Variants in EPHA7 observed in about 807,000 individuals in gnomAD.
The protein encoded by EPHA7 is EPH receptor A7.
A neutral mutation model predicts 112.6 loss-of-function variants in EPHA7; 25 were observed. The observed-to-expected ratio is 0.22, with a 90% CI of 0.16 to 0.31. The LOEUF (loss-of-function observed/expected upper bound fraction) is 0.31. Among genes scored for constraint, EPHA7 ranks in the 10% least tolerant of loss-of-function variants. The pLI, the probability that EPHA7 is intolerant of heterozygous loss-of-function variation, is 1.00. For missense variants in EPHA7, 962 were observed against 1,212.6 expected (o/e 0.79, Z 3.07); for synonymous variants, 437 against 406.5 (o/e 1.07, Z -0.90).
At chr6:93,411,792 A>C (rs1173287048) in intron 2 of EPHA7, among the ~76,000 whole-genome samples, 4 of 152,112 alleles carry the variant, frequency 2.6e-5, no homozygotes, top group Non-Finnish European at 5.9e-5. Context: ...CATAACTATA[A>C]ATAAGTAGTT....
At chr6:93,364,523 G>A (rs1260336684) in intron 3 of EPHA7, among the ~76,000 whole-genome samples, 30 of 101,740 alleles carry the variant, frequency 2.9e-4, no homozygotes, top group South Asian at 1.5e-3. Flanking sequence ...CGACAGGAGC[G>A]AAACTCCGTC....
chr6:93,282,897 A>G (rs1464572117), intron 5 of EPHA7, among the ~76,000 whole-genome samples: 7 of 151,950 alleles, frequency 4.6e-5, no homozygotes, highest in Admixed American at 4.6e-4. Flanking sequence ...CCCCCTCCCC[A>G]TGGGTTCCTG....
Position 93,249,345 on chromosome 6 carries a change from A to G in EPHA7, c.2533-2360T>C, listed in dbSNP as rs1770104492. On this transcript the variant is annotated intron_variant, in intron 14 of 16. Coordinates refer to ENST00000369303, the MANE Select transcript of EPHA7 (RefSeq NM_004440.4). Reference sequence around the variant, plus strand: ...TGGTTTTGCAAAACATTCCAGTAATAGCACTGTACTTGGATTCAAAAATGT... The same window carrying G: ...TGGTTTTGCAAAACATTCCAGTAATGGCACTGTACTTGGATTCAAAAATGT... Among the ~76,000 whole-genome samples the G allele has an allele frequency of 4.6e-5, 7 of 152,208 alleles. No homozygotes were observed. In the South Asian group the frequency reaches 1.4e-3, roughly 32 times the overall value.
At chr6:93,393,966 C>G (rs918396267) in intron 3 of EPHA7, among the ~76,000 whole-genome samples, 1 of 151,780 alleles carries the variant, frequency 6.6e-6, no homozygotes. Context: ...TAGAGTTAAA[C>G]TAGACTGTGT....
chr6:93,246,747 C>T, intron 15 of EPHA7, 45 bp downstream of exon 15: 1 of 1,507,882 alleles, frequency 6.6e-7, no homozygotes, highest in East Asian at 2.3e-5. Flanking sequence ...GTTTATGTTA[C>T]TATTGTAATT....
intron 5 of EPHA7, among the ~76,000 whole-genome samples, chr6:93,294,355 T>C (rs1772543013): frequency 6.6e-6 from 1 of 152,176 alleles, no homozygotes; most frequent in African/African-American, 2.4e-5. Context: ...TGTGACAAGG[T>C]AGTCTAAATT....
rs1222122688 is a variant in EPHA7 at position 93,262,888 on chromosome 6, G to A, written c.1798+972C>T. On this transcript the variant is annotated intron_variant, in intron 9 of 16. Transcript: ENST00000369303. ...AAATGTATTAGAAATTCTTGATGGA[G>A]GCTTTGATATTCTTATGACTTTAGG... Among the ~76,000 whole-genome samples the A allele has an allele frequency of 2.6e-5, 4 of 151,128 alleles. No individual in the cohort carries two copies. In the Admixed American group the frequency reaches 2.6e-4, roughly 10 times the overall value.
chr6:93,264,738 C>T, intron 7 of EPHA7, 36 bp from the exon 8 acceptor site: 1 of 1,305,166 alleles, frequency 7.7e-7, no homozygotes, highest in South Asian at 1.4e-5. Context: ...AAATACTTGA[C>T]ACCATGCAAG....
At chr6:93,287,630 C>G (rs888386243) in intron 5 of EPHA7, among the ~76,000 whole-genome samples, 3 of 151,554 alleles carry the variant, frequency 2.0e-5, no homozygotes, top group Non-Finnish European at 2.9e-5. Context: ...TATTTCATCA[C>G]CAAGATATTA....
At chr6:93,356,603 C>A in intron 5 of EPHA7, 114 bp downstream of exon 5, 1 of 982,408 alleles carries the variant, frequency 1.0e-6, no homozygotes, top group South Asian at 1.7e-5. Context: ...TGTAAATAAT[C>A]AACAAGCTGG....
At chr6:93,359,686 A>C (rs1776144159) in intron 3 of EPHA7, among the ~76,000 whole-genome samples, 1 of 152,072 alleles carries the variant, frequency 6.6e-6, no homozygotes, top group Non-Finnish European at 1.5e-5. Flanking sequence ...ACTTCTGTTC[A>C]AATGCTGAAT....
chr6:93,333,230 G>A lies in EPHA7; in HGVS notation c.1324+23487C>T, dbSNP rs564678759. On this transcript the variant is annotated intron_variant, in intron 5 of 16. Coordinates refer to ENST00000369303, the MANE Select transcript of EPHA7 (RefSeq NM_004440.4). ...GAACATGATCTCATTCTTTTTTAAG[G>A]CTATGTAGTATTCCATGGCATTTAT... 1.4e-3 allele frequency among the ~76,000 whole-genome samples: 206 copies of A among 151,792 alleles called. 2 individuals are homozygous for A. Among genetic ancestry groups the A allele is most frequent in the African/African-American group, 4.8e-3 (201 of 41,462 alleles).
intron 5 of EPHA7, among the ~76,000 whole-genome samples, chr6:93,277,716 T>C (rs1208678177): frequency 1.3e-5 from 2 of 152,018 alleles, no homozygotes; most frequent in Non-Finnish European, 2.9e-5. Flanking sequence ...CTACTTAACA[T>C]ACCAATTAGG....
At chr6:93,370,675 C>T (rs1401845555) in intron 3 of EPHA7, among the ~76,000 whole-genome samples, 2 of 152,030 alleles carry the variant, frequency 1.3e-5, no homozygotes, top group African/African-American at 2.4e-5. Flanking sequence ...CATTTGGTTT[C>T]CTATTACATT....
intron 2 of EPHA7, among the ~76,000 whole-genome samples, chr6:93,412,324 CTTTTA>C (rs1056556422): frequency 1.3e-5 from 2 of 151,856 alleles, no homozygotes; most frequent in Admixed American, 6.6e-5. Context: ...TGGGTAAATA[CTTTTA>C]TTTTAAATAC....
At chr6:93,270,751 C>A (rs1186824588) in intron 6 of EPHA7, among the ~76,000 whole-genome samples, 1 of 151,628 alleles carries the variant, frequency 6.6e-6, no homozygotes, top group Non-Finnish European at 1.5e-5. Flanking sequence ...TCATTATAAT[C>A]ATTTATAAAA....
chr6:93,302,904 C>A (rs1165779174), intron 5 of EPHA7, among the ~76,000 whole-genome samples: 5 of 152,074 alleles, frequency 3.3e-5, no homozygotes, highest in African/African-American at 7.2e-5. Context: ...CTTCTTATGC[C>A]TTCCAAGCTC....
chr6:93,293,428 C>T (rs1772487789), intron 5 of EPHA7, among the ~76,000 whole-genome samples: 1 of 152,022 alleles, frequency 6.6e-6, no homozygotes, highest in Non-Finnish European at 1.5e-5. Context: ...TCATATAAGA[C>T]ATTTAGAAAA....
Position 93,366,210 on chromosome 6 carries a change from G to A in EPHA7, c.833-7799C>T, listed in dbSNP as rs138067511. ...GTTATGTATTCTACTTTATAAATAC[G>A]AGCCTGTGTTGAAGAGGTAATATGA... is the stretch of plus-strand genomic sequence containing the variant. On this transcript the variant is annotated intron_variant, in intron 3 of 16. Transcript: ENST00000369303. 2.2e-3 allele frequency among the ~76,000 whole-genome samples: 335 copies of A among 152,054 alleles called. 3 individuals carry two copies. Among genetic ancestry groups the A allele is most frequent in the African/African-American group, 7.7e-3 (318 of 41,468 alleles).
Sources: gnomAD v4.1 joint callset for allele counts (sites outside exome capture counted in the v4.1 genomes callset) on GRCh38, gnomAD v4.1.1 for gene constraint, MANE v1.5 for transcripts, NCBI Gene and HGNC (gene_info 2026-07-23, HGNC 2026-07-21) for gene names.